Variants in CADM2 observed in about 807,000 individuals in gnomAD.
CADM2 encodes cell adhesion molecule 2, also known as immunoglobulin superfamily member 4D.
In CADM2, 12 loss-of-function variants were observed where a neutral mutation model predicts 49.8. The observed-to-expected ratio is 0.24, with a 90% CI of 0.15 to 0.39. The LOEUF (loss-of-function observed/expected upper bound fraction) is 0.39, where lower values mean the gene tolerates loss of function less well. Among genes scored for constraint, CADM2 ranks in the 10% least tolerant of loss-of-function variants. The pLI is 1.00. For synonymous variants in CADM2, 214 were observed against 175.4 expected, an observed-to-expected ratio of 1.22 and a Z score of -1.74; for missense variants, 378 against 492.3, an observed-to-expected ratio of 0.77 and a Z score of 2.20.
At chr3:85,103,239 T>C (rs1382343635) in intron 1 of CADM2, among the ~76,000 whole-genome samples, 2 of 152,200 alleles carry the variant, frequency 1.3e-5, no homozygotes, top group African/African-American at 2.4e-5. Flanking sequence ...ACTCGATTGA[T>C]GGTTTCCTGG....
intron 2 of CADM2, among the ~76,000 whole-genome samples, chr3:85,757,522 G>A (rs1027662497): frequency 6.6e-6 from 1 of 152,016 alleles, no homozygotes; most frequent in African/African-American, 2.4e-5. Context: ...AGATGATACA[G>A]AAACATGAGA....
At chr3:85,039,894 T>C (rs2107359075) in intron 1 of CADM2, among the ~76,000 whole-genome samples, 1 of 151,122 alleles carries the variant, frequency 6.6e-6, no homozygotes, top group African/African-American at 2.4e-5. Context: ...CCAGCAATAG[T>C]TTCAGCAGCC....
At chr3:85,011,179 TTTG>T (rs1559615675) in intron 1 of CADM2, among the ~76,000 whole-genome samples, 1 of 152,034 alleles carries the variant, frequency 6.6e-6, no homozygotes, top group East Asian at 1.9e-4. Flanking sequence ...ATGTCTTTTT[TTTG>T]TTGTTATTGT....
chr3:85,772,008 C>CTTTTTTTTTTT (rs397938377), intron 2 of CADM2, among the ~76,000 whole-genome samples: 1 of 112,222 alleles, frequency 8.9e-6, no homozygotes, highest in African/African-American at 3.3e-5. Context: ...TTCTTTCTTT[C>CTTTTTTTTTTT]TTTTTTTTTT....
At chr3:85,741,156 G>T (rs1224520072) in intron 2 of CADM2, among the ~76,000 whole-genome samples, 5 of 152,056 alleles carry the variant, frequency 3.3e-5, no homozygotes, top group East Asian at 1.9e-4. Flanking sequence ...TAAAATTTTT[G>T]AACCATTTTA....
intron 1 of CADM2, among the ~76,000 whole-genome samples, chr3:85,066,727 C>G (rs1379321931): frequency 1.3e-5 from 2 of 152,144 alleles, no homozygotes. Context: ...TCTTCAAAGA[C>G]TAGTTAAGCC....
At chr3:85,782,303 T>C (rs2070699809) in intron 2 of CADM2, among the ~76,000 whole-genome samples, 1 of 152,208 alleles carries the variant, frequency 6.6e-6, no homozygotes, top group African/African-American at 2.4e-5. Context: ...TGTAACTTTT[T>C]AACTCTTTTG....
chr3:85,090,523 G>A (rs2037555872), intron 1 of CADM2, among the ~76,000 whole-genome samples: 3 of 151,950 alleles, frequency 2.0e-5, no homozygotes, highest in African/African-American at 7.3e-5. Flanking sequence ...TTTTTTCTTA[G>A]CCAATGAGCA....
chr3:85,811,490 A>T (rs2108127741), intron 3 of CADM2, among the ~76,000 whole-genome samples: 1 of 152,328 alleles, frequency 6.6e-6, no homozygotes, highest in African/African-American at 2.4e-5. Flanking sequence ...GTTTGCAGTT[A>T]TCGCAGCTCA....
At chr3:85,608,507 A>G (rs2063595622) in intron 1 of CADM2, among the ~76,000 whole-genome samples, 1 of 152,154 alleles carries the variant, frequency 6.6e-6, no homozygotes, top group Non-Finnish European at 1.5e-5. Context: ...CAGTGGTGAT[A>G]AATAAGTCAA....
At chr3:85,566,971 C>A (rs2062281248) in intron 1 of CADM2, among the ~76,000 whole-genome samples, 1 of 152,104 alleles carries the variant, frequency 6.6e-6, no homozygotes, top group South Asian at 2.1e-4. Flanking sequence ...AAATTGGATT[C>A]TAGAAAGCTT....
intron 1 of CADM2, among the ~76,000 whole-genome samples, chr3:85,200,484 A>G (rs939803690): frequency 6.6e-6 from 1 of 152,106 alleles, no homozygotes; most frequent in African/African-American, 2.4e-5. Flanking sequence ...TGTACCCTTC[A>G]CTTGGACTGA....
intron 1 of CADM2, among the ~76,000 whole-genome samples, chr3:85,445,117 C>T (rs9821041): frequency 0.25 from 37,966 of 151,908 alleles, 4,912 homozygotes; most frequent in South Asian, 0.34. Flanking sequence ...TTTTTGATAT[C>T]TTCGTTTTGT....
chr3:85,085,312 T>C (rs1028231577), intron 1 of CADM2, among the ~76,000 whole-genome samples: 9 of 152,272 alleles, frequency 5.9e-5, no homozygotes, highest in South Asian at 2.1e-4. Flanking sequence ...TCAGGCAGTA[T>C]TTGTCATTCA....
At chr3:85,986,851 G>T (rs2108685907) in intron 8 of CADM2, among the ~76,000 whole-genome samples, 1 of 152,164 alleles carries the variant, frequency 6.6e-6, no homozygotes, top group Middle Eastern at 3.4e-3. Flanking sequence ...GTGGCTGCAG[G>T]CAGGATGTGG....
chr3:85,059,172 G>C (rs1440443016), intron 1 of CADM2, among the ~76,000 whole-genome samples: 1 of 151,860 alleles, frequency 6.6e-6, no homozygotes, highest in Non-Finnish European at 1.5e-5. Context: ...CCGGGAGGTG[G>C]AGCTTGCAGT....
At chr3:85,982,444 A>G (rs1437685816) in intron 8 of CADM2, among the ~76,000 whole-genome samples, 2 of 151,650 alleles carry the variant, frequency 1.3e-5, no homozygotes, top group East Asian at 1.9e-4. Context: ...TATTTTTTTA[A>G]AAAGTTTTTT....
rs375085022 is a variant in CADM2 at position 85,005,508 on chromosome 3, T to C, written c.61+45840T>C. On this transcript the variant is annotated intron_variant, in intron 1 of 9. Coordinates refer to ENST00000383699, the MANE Select transcript of CADM2 (RefSeq NM_001167675.2). Reference sequence around the variant, plus strand: ...TATTTTGTATTATTATTTTATACTATGGGTCACAGACAGAGGACCAAACTT... The same window carrying C: ...TATTTTGTATTATTATTTTATACTACGGGTCACAGACAGAGGACCAAACTT... 3.2e-4 allele frequency among the ~76,000 whole-genome samples: 48 copies of C among 152,186 alleles called. No individual in the cohort carries two copies. The South Asian group carries it at 6.4e-3, about 20-fold the overall frequency.
chr3:85,924,409 G>A (rs1719553458), intron 6 of CADM2, among the ~76,000 whole-genome samples: 1 of 151,836 alleles, frequency 6.6e-6, no homozygotes, highest in Non-Finnish European at 1.5e-5. Flanking sequence ...GGCCAACATG[G>A]AGGAAACCAC....
Sources: gnomAD v4.1 joint callset for allele counts (sites outside exome capture counted in the v4.1 genomes callset) on GRCh38, gnomAD v4.1.1 for gene constraint, MANE v1.5 for transcripts, NCBI Gene and HGNC (gene_info 2026-07-23, HGNC 2026-07-21) for gene names.